PTPRD: variants seen among roughly 807,000 people sequenced by gnomAD.
PTPRD encodes the protein receptor-type tyrosine-protein phosphatase delta.
In PTPRD, 34 loss-of-function variants were observed where a neutral mutation model predicts 214.5. The observed-to-expected ratio is 0.16, with a 90% CI of 0.12 to 0.21. The LOEUF (loss-of-function observed/expected upper bound fraction) is 0.21, where lower values mean the gene tolerates loss of function less well. Ranked by LOEUF, PTPRD falls within the 10% of genes least tolerant of loss-of-function variation. The pLI is 1.00. For synonymous variants in PTPRD, 1,128 were observed against 845.7 expected, an observed-to-expected ratio of 1.33 and a Z score of -5.79; for missense variants, 2,545 against 2,398.7, an observed-to-expected ratio of 1.06 and a Z score of -1.27.
At chr9:8,849,470 C>T (rs1448165316) in intron 11 of PTPRD, among the ~76,000 whole-genome samples, 2 of 152,178 alleles carry the variant, frequency 1.3e-5, no homozygotes, top group Non-Finnish European at 2.9e-5. Flanking sequence ...TCGTGATCCA[C>T]CGGCCTCGGC....
At chr9:9,703,976 C>CCAGGCTCAAACAATTTCCACCT (rs2097549129) in intron 7 of PTPRD, among the ~76,000 whole-genome samples, 1 of 152,136 alleles carries the variant, frequency 6.6e-6, no homozygotes, top group Non-Finnish European at 1.5e-5. Flanking sequence ...CCCTGATCTC[C>CCAGGCTCAAACAATTTCCACCT]CAGGCTCAAA....
chr9:9,621,231 A>G (rs2095222029), intron 7 of PTPRD, among the ~76,000 whole-genome samples: 1 of 152,228 alleles, frequency 6.6e-6, no homozygotes, highest in African/African-American at 2.4e-5. Flanking sequence ...CAATATGCCT[A>G]TATATTATCT....
intron 10 of PTPRD, among the ~76,000 whole-genome samples, chr9:9,143,702 C>G (rs1216385118): frequency 6.6e-6 from 1 of 152,128 alleles, no homozygotes; most frequent in African/African-American, 2.4e-5. Flanking sequence ...AATAATTGGC[C>G]TAATAATTTG....
intron 7 of PTPRD, among the ~76,000 whole-genome samples, chr9:9,724,093 A>G (rs931741619): frequency 2.0e-5 from 3 of 152,120 alleles, no homozygotes; most frequent in African/African-American, 7.2e-5. Flanking sequence ...TTCTTTTAAT[A>G]AAAACATTAA....
chr9:9,593,840 C>T (rs1488636880), intron 7 of PTPRD, among the ~76,000 whole-genome samples: 1 of 151,974 alleles, frequency 6.6e-6, no homozygotes, highest in Admixed American at 6.6e-5. Flanking sequence ...CACAGCACCC[C>T]ACCAACTAAT....
intron 9 of PTPRD, among the ~76,000 whole-genome samples, chr9:9,340,430 A>G (rs2046337081): frequency 6.6e-6 from 1 of 152,230 alleles, no homozygotes; most frequent in African/African-American, 2.4e-5. Flanking sequence ...CTTATTATAC[A>G]TTATGGATAA....
intron 9 of PTPRD, among the ~76,000 whole-genome samples, chr9:9,217,940 G>A (rs2099953364): frequency 6.6e-6 from 1 of 152,062 alleles, no homozygotes; most frequent in Admixed American, 6.6e-5. Context: ...GCGTGCAATA[G>A]TTCTGTCTTC....
At chr9:9,670,382 T>G (rs1229102343) in intron 7 of PTPRD, among the ~76,000 whole-genome samples, 2 of 152,206 alleles carry the variant, frequency 1.3e-5, no homozygotes, top group South Asian at 2.1e-4. Context: ...AGCATAAAAG[T>G]TAAGAAAATT....
At position 9,394,130 on chromosome 9, in the gene PTPRD, T is replaced by C. The variant is rs138404610; in HGVS notation, c.-203+3319A>G. The stretch of plus-strand genomic sequence containing the variant: ...TATGATGTAATAAAAATAAGTTATT[T>C]ACATGTCCCTTTACATCATTTAATC... On this transcript the variant is annotated intron_variant, in intron 9 of 45. Coordinates refer to ENST00000381196, the MANE Select transcript of PTPRD (RefSeq NM_002839.4). Among the ~76,000 whole-genome samples the C allele has an allele frequency of 6.6e-3, 998 of 152,294 alleles. 14 individuals carry two copies. The highest frequency in any genetic ancestry group is 0.022 in the African/African-American group (934 of 41,550).
rs1269877332 is a variant in PTPRD at position 10,109,848 on chromosome 9, G to A, written c.-544-76058C>T. 2.6e-5 allele frequency among the ~76,000 whole-genome samples: 4 copies of A among 151,978 alleles called. No homozygotes were observed. The East Asian group carries it at 5.8e-4, about 22-fold the overall frequency. On this transcript the variant is annotated intron_variant, in intron 3 of 45. Transcript: ENST00000381196. ...TATATTTTTTTCATTGTTGCAAGGA[G>A]ACTATTTTCAAGAAAGATTGTGACA...
At chr9:8,842,105 A>G (rs1211763483) in intron 11 of PTPRD, among the ~76,000 whole-genome samples, 2 of 152,126 alleles carry the variant, frequency 1.3e-5, no homozygotes, top group Admixed American at 1.3e-4. Context: ...AAAAAACAAC[A>G]AAAAACAAAA....
chr9:9,368,174 C>A (rs1395835163), intron 9 of PTPRD, among the ~76,000 whole-genome samples: 1 of 151,760 alleles, frequency 6.6e-6, no homozygotes, highest in African/African-American at 2.4e-5. Flanking sequence ...GTTAGACCTG[C>A]ATTTATATCC....
Position 8,454,779 on chromosome 9 carries a change from C to G in PTPRD, c.3876-4942G>C, listed in dbSNP as rs560514673. Among the ~76,000 whole-genome samples, 9 of 151,596 alleles carry G rather than the reference C, an allele frequency of 5.9e-5. No individual in the cohort carries two copies. The South Asian group carries it at 1.7e-3, about 28-fold the overall frequency. ...TATAGACCTCTGATTATGAACTAAA[C>G]AGAGGACATGAAGTTACATCACTGA... On this transcript the variant is annotated intron_variant, in intron 33 of 45. Transcript: ENST00000381196.
chr9:10,582,875 T>C (rs754203469), intron 2 of PTPRD, among the ~76,000 whole-genome samples: 8 of 152,114 alleles, frequency 5.3e-5, no homozygotes, highest in African/African-American at 1.9e-4. Context: ...CAAAGAAGGG[T>C]TTCTTATTAG....
chr9:9,799,939 C>G (rs73641354), intron 5 of PTPRD, among the ~76,000 whole-genome samples: 1 of 152,070 alleles, frequency 6.6e-6, no homozygotes, highest in East Asian at 1.9e-4. Flanking sequence ...AAGGATTAAA[C>G]CTGCTTCAAA....
rs144801437 is a variant in PTPRD, at chr9:8,895,010, G to A, written c.-104+123687C>T. 2.1e-4 allele frequency among the ~76,000 whole-genome samples: 32 copies of A among 152,268 alleles called. No homozygotes were observed. The East Asian group carries it at 6.0e-3, about 28-fold the overall frequency. On this transcript the variant is annotated intron_variant, in intron 11 of 45. Coordinates refer to ENST00000381196, the MANE Select transcript of PTPRD (RefSeq NM_002839.4). ...TCACTGCAATGCAGTGCTGTCTTTT[G>A]CATATATATTGTCACAAGCTTTATC...
At chr9:8,896,350 G>A (rs2098610546) in intron 11 of PTPRD, among the ~76,000 whole-genome samples, 1 of 152,108 alleles carries the variant, frequency 6.6e-6, no homozygotes, top group Non-Finnish European at 1.5e-5. Context: ...ATAACATTAA[G>A]CTTAAAATAA....
intron 2 of PTPRD, among the ~76,000 whole-genome samples, chr9:10,409,379 G>A (rs563773952): frequency 5.0e-4 from 76 of 151,722 alleles, no homozygotes; most frequent in African/African-American, 1.7e-3. Context: ...TCCCTCTCCA[G>A]TTAATCCTTC....
intron 5 of PTPRD, among the ~76,000 whole-genome samples, chr9:9,793,584 C>A (rs1406812400): frequency 6.6e-6 from 1 of 151,918 alleles, no homozygotes; most frequent in African/African-American, 2.4e-5. Flanking sequence ...TAGTAAAAAG[C>A]ATAAATTATT....
Sources: gnomAD v4.1 joint callset for allele counts (sites outside exome capture counted in the v4.1 genomes callset) on GRCh38, gnomAD v4.1.1 for gene constraint, MANE v1.5 for transcripts, NCBI Gene and HGNC (gene_info 2026-07-23, HGNC 2026-07-21) for gene names.